NPHP4: variants seen among roughly 807,000 people sequenced by gnomAD.
NPHP4 encodes nephrocystin 4.
In NPHP4, 151 loss-of-function variants were observed where a neutral mutation model predicts 155.8. The ratio of observed to expected loss-of-function variants is 0.97; its 90% confidence interval spans 0.85 to 1.11. NPHP4 has a LOEUF of 1.11. NPHP4 is among the 50% of genes least tolerant of loss of function. The pLI, the probability that NPHP4 is intolerant of heterozygous loss-of-function variation, is 0.00. For synonymous variants in NPHP4, 845 were observed against 816.8 expected, an observed-to-expected ratio of 1.03 and a Z score of -0.59; for missense variants, 1,956 against 1,925.7, an observed-to-expected ratio of 1.02 and a Z score of -0.29.
chr1:5,877,430 C>G, intron 19 of NPHP4, 132 bp from the exon 20 acceptor site: 1 of 589,992 alleles, frequency 1.7e-6, no homozygotes, highest in Middle Eastern at 3.8e-4. Context: ...CTTTTTGCAG[C>G]TCCAATCTGC....
At chr1:5,864,124 C>A in intron 28 of NPHP4, 91 bp from the exon 29 acceptor site, 1 of 1,452,650 alleles carries the variant, frequency 6.9e-7, no homozygotes, top group Non-Finnish European at 9.5e-7. Flanking sequence ...CTCCTGTGCA[C>A]CGTGCACGGG....
chr1:5,896,062 G>C (rs1158852183), intron 16 of NPHP4, among the ~76,000 whole-genome samples: 1 of 152,232 alleles, frequency 6.6e-6, no homozygotes, highest in Non-Finnish European at 1.5e-5. Flanking sequence ...TGTTACCACT[G>C]AATTAGAAAA....
rs566586872 is a variant in NPHP4, at chr1:5,951,966, C to T, written c.810+734G>A. Among the ~76,000 whole-genome samples the T allele has an allele frequency of 1.2e-4, 19 of 152,362 alleles. No homozygotes were observed. In the East Asian group the frequency reaches 3.1e-3, roughly 25 times the overall value. On this transcript the variant is annotated intron_variant, in intron 7 of 29. Transcript: ENST00000378156. The stretch of plus-strand genomic sequence containing the variant: ...GGCTGAGCTCCACGCACCTGCACGA[C>T]GCAGACATCCCTCCCAGGGGCCACA...
Position 5,942,004 on chromosome 1 carries a change from C to T in NPHP4, c.1119+5100G>A, listed in dbSNP as rs561306025. The stretch of plus-strand genomic sequence containing the variant: ...AGATACCCACGTGGTCTCAGAGTCT[C>T]CCCACAGATCACTTATTAGCTGCAT... On this transcript the variant is annotated intron_variant, in intron 9 of 29. Transcript: ENST00000378156. Among the ~76,000 whole-genome samples, 6 of 152,278 alleles carry T rather than the reference C, an allele frequency of 3.9e-5. No homozygotes were observed. The South Asian group carries it at 1.2e-3, about 32-fold the overall frequency.
At chr1:5,986,778 A>G (rs1007818646) in intron 1 of NPHP4, among the ~76,000 whole-genome samples, 14 of 152,210 alleles carry the variant, frequency 9.2e-5, no homozygotes, top group African/African-American at 3.4e-4. Context: ...GGCCAGACTC[A>G]GGGCACGACT....
intron 16 of NPHP4, among the ~76,000 whole-genome samples, chr1:5,904,390 A>G (rs1428255104): frequency 6.6e-6 from 1 of 152,192 alleles, no homozygotes; most frequent in African/African-American, 2.4e-5. Context: ...GAAATTATAT[A>G]ATGTCTGGGA....
At position 5,865,145 on chromosome 1, in the gene NPHP4, ACTGT is replaced by A. The variant is rs1315654789; in HGVS notation, c.3769_3772del (p.Thr1257Ter). ...AGAGGTGAAAGCTCTCACTTTCCTC[ACTGT>A]CTGTGTCCCCCGAAGGACAAGGGAC... On this transcript the variant is annotated frameshift_variant, in exon 27 of 30. Transcript: ENST00000378156. LOFTEE classifies it high-confidence loss of function. The A allele has an allele frequency of 6.2e-7, 1 of 1,613,626 alleles. No individual in the cohort carries two copies. Among genetic ancestry groups the A allele is most frequent in the Non-Finnish European group, 8.5e-7 (1 of 1,179,806 alleles).
At chr1:5,991,243 G>A (rs1170637552) in intron 1 of NPHP4, among the ~76,000 whole-genome samples, 1 of 151,802 alleles carries the variant, frequency 6.6e-6, no homozygotes. Context: ...GCGCCCGGGA[G>A]AAACGGTCTT....
chr1:5,891,083 T>C (rs1336571894), intron 16 of NPHP4, 55 bp from the exon 17 acceptor site: 4 of 1,329,000 alleles, frequency 3.0e-6, no homozygotes, highest in Non-Finnish European at 4.0e-6. Context: ...TCATCATCTT[T>C]ACACTTGGAA....
chr1:5,959,775 G>A lies in NPHP4; in HGVS notation c.673+2019C>T, dbSNP rs147904624. 7.0e-3 allele frequency among the ~76,000 whole-genome samples: 1,064 copies of A among 152,000 alleles called. 8 individuals are homozygous for A. Among genetic ancestry groups the A allele is most frequent in the African/African-American group, 0.024 (998 of 41,418 alleles). On this transcript the variant is annotated intron_variant, in intron 6 of 29. Coordinates refer to ENST00000378156, the MANE Select transcript of NPHP4 (RefSeq NM_015102.5). ...GTCCCAAGATCAGTATCCACCAGGT[G>A]ACATCTCACAGCTAGTCCTGAAGAT... is the stretch of plus-strand genomic sequence containing the variant.
intron 11 of NPHP4, among the ~76,000 whole-genome samples, chr1:5,915,516 A>G (rs1645426602): frequency 6.6e-6 from 1 of 152,174 alleles, no homozygotes; most frequent in South Asian, 2.1e-4. Context: ...GAATGGGAAA[A>G]TGAACAAAAC....
At chr1:5,868,927 CAT>C (rs2100507465) in intron 23 of NPHP4, among the ~76,000 whole-genome samples, 1 of 143,224 alleles carries the variant, frequency 7.0e-6, no homozygotes, top group Admixed American at 7.0e-5. Flanking sequence ...CATGTACACA[CAT>C]GCATGCACCC....
At chr1:5,873,634 A>C in intron 22 of NPHP4, 1 of 501,916 alleles carries the variant, frequency 2.0e-6, no homozygotes. Context: ...CCTGTGAGTG[A>C]GCCTCTAGGG....
chr1:5,929,420 A>C (rs1012106750), intron 10 of NPHP4, among the ~76,000 whole-genome samples: 1 of 152,118 alleles, frequency 6.6e-6, no homozygotes, highest in East Asian at 1.9e-4. Context: ...ATTAAGTATG[A>C]TGTTAACTAA....
intron 6 of NPHP4, among the ~76,000 whole-genome samples, chr1:5,960,538 C>T (rs980161415): frequency 1.3e-5 from 2 of 152,124 alleles, no homozygotes; most frequent in African/African-American, 4.8e-5. Context: ...CCGCCCCTCA[C>T]ACACAAGGTC....
At chr1:5,939,783 G>A (rs1439922327) in intron 9 of NPHP4, among the ~76,000 whole-genome samples, 1 of 152,222 alleles carries the variant, frequency 6.6e-6, no homozygotes, top group African/African-American at 2.4e-5. Flanking sequence ...CTGGCCCCAG[G>A]CCTGCTGTGA....
chr1:5,937,358 T>C (rs1053837893), intron 9 of NPHP4, among the ~76,000 whole-genome samples: 1 of 152,140 alleles, frequency 6.6e-6, no homozygotes, highest in Non-Finnish European at 1.5e-5. Flanking sequence ...CTGTGGAGGG[T>C]GTGACACTTT....
intron 7 of NPHP4, among the ~76,000 whole-genome samples, chr1:5,948,644 TCCCAGAGGCTGCTTC>T (rs1647299593): frequency 6.6e-6 from 1 of 151,828 alleles, no homozygotes; most frequent in African/African-American, 2.4e-5. Context: ...AGCCCCCCTT[TCCCAGAGGCTGCTTC>T]CCCAGAGCCC....
chr1:5,969,008 CAG>C (rs1320323770), intron 4 of NPHP4, 77 bp downstream of exon 4: 3 of 968,774 alleles, frequency 3.1e-6, no homozygotes, highest in Non-Finnish European at 3.1e-6. Flanking sequence ...GCCTGGTTGA[CAG>C]AGTGAGAATC....
Sources: gnomAD v4.1 joint callset for allele counts (sites outside exome capture counted in the v4.1 genomes callset) on GRCh38, gnomAD v4.1.1 for gene constraint, MANE v1.5 for transcripts, NCBI Gene and HGNC (gene_info 2026-07-23, HGNC 2026-07-21) for gene names.